The following FBXL17 variants were observed in gnomAD, a reference collection of about 807,000 sequenced individuals.
FBXL17 encodes the protein F-box/LRR-repeat protein 17.
FBXL17 carries 22 observed loss-of-function variants against 66.2 expected under a neutral mutation model. The observed-to-expected ratio is 0.33, with a 90% CI of 0.24 to 0.47. The LOEUF (loss-of-function observed/expected upper bound fraction) is 0.47, where lower values mean the gene tolerates loss of function less well. Among genes scored for constraint, FBXL17 ranks in the 20% least tolerant of loss-of-function variants. The pLI, the probability that FBXL17 is intolerant of heterozygous loss-of-function variation, is 1.00. For missense variants in FBXL17, 878 were observed against 948.2 expected (o/e 0.93, Z 0.97); for synonymous variants, 474 against 400.5 (o/e 1.18, Z -2.19).
intron 6 of FBXL17, among the ~76,000 whole-genome samples, chr5:108,095,040 T>G (rs1228236522): frequency 2.6e-5 from 4 of 152,058 alleles, no homozygotes; most frequent in Non-Finnish European, 5.9e-5. Context: ...AGTGATATAT[T>G]TAGCTCTTCT....
chr5:108,016,766 T>C (rs1343712195), intron 7 of FBXL17, among the ~76,000 whole-genome samples: 1 of 148,730 alleles, frequency 6.7e-6, no homozygotes, highest in Non-Finnish European at 1.5e-5. Context: ...AATTATCTTT[T>C]TTTCTTTCTT....
intron 6 of FBXL17, among the ~76,000 whole-genome samples, chr5:108,061,389 C>A (rs1203073688): frequency 6.6e-6 from 1 of 152,062 alleles, no homozygotes; most frequent in Non-Finnish European, 1.5e-5. Context: ...ATGATTTATG[C>A]CTTTGGCAAA....
intron 6 of FBXL17, among the ~76,000 whole-genome samples, chr5:108,161,195 T>TACATACCC (rs1752203387): frequency 7.0e-6 from 1 of 143,298 alleles, no homozygotes; most frequent in African/African-American, 2.5e-5. Context: ...CATACATACA[T>TACATACCC]ACCCCAGCCC....
chr5:107,880,473 C>T, intron 8 of FBXL17: 1 of 993,952 alleles, frequency 1.0e-6, no homozygotes. Flanking sequence ...AGGCCTTCCA[C>T]CAGGACCTCT....
At chr5:108,347,412 C>A (rs1023499542) in intron 4 of FBXL17, among the ~76,000 whole-genome samples, 1 of 152,110 alleles carries the variant, frequency 6.6e-6, no homozygotes, top group Admixed American at 6.5e-5. Context: ...TTAAGAACTC[C>A]TACTGGTGCA....
At chr5:107,868,785 G>C (rs140450043) in intron 8 of FBXL17, among the ~76,000 whole-genome samples, 1 of 152,218 alleles carries the variant, frequency 6.6e-6, no homozygotes, top group African/African-American at 2.4e-5. Context: ...CAAATGAAGT[G>C]ATATTTCAGT....
At chr5:108,257,824 A>G (rs1247862261) in intron 4 of FBXL17, among the ~76,000 whole-genome samples, 1 of 152,126 alleles carries the variant, frequency 6.6e-6, no homozygotes, top group African/African-American at 2.4e-5. Context: ...AATTTTTTTG[A>G]AAGAAAGACC....
At chr5:108,228,108 A>T (rs1043973448) in intron 4 of FBXL17, among the ~76,000 whole-genome samples, 1 of 152,180 alleles carries the variant, frequency 6.6e-6, no homozygotes, top group African/African-American at 2.4e-5. Flanking sequence ...TTTCTCTTTC[A>T]GCTCAAGCAA....
chr5:108,328,128 C>T (rs570744287), intron 4 of FBXL17, among the ~76,000 whole-genome samples: 62 of 152,228 alleles, frequency 4.1e-4, no homozygotes, highest in Non-Finnish European at 7.8e-4. Context: ...CACTGTGTGT[C>T]CCTTTGTCTG....
At chr5:108,292,352 C>T (rs1045799744) in intron 4 of FBXL17, among the ~76,000 whole-genome samples, 31 of 151,964 alleles carry the variant, frequency 2.0e-4, no homozygotes, top group Middle Eastern at 3.2e-3. Flanking sequence ...AACTCCTGAC[C>T]TCAGGTGATT....
Position 108,062,806 on chromosome 5 carries a change from G to A in FBXL17, c.1746-41805C>T, listed in dbSNP as rs180894521. On this transcript the variant is annotated intron_variant, in intron 6 of 8. Transcript: ENST00000542267. Reference sequence around the variant, plus strand: ...TCAGAAGAAGTAACTGCACAAAGAAGTAACTGCAAAAACATAAACAAGATA... The same window carrying A: ...TCAGAAGAAGTAACTGCACAAAGAAATAACTGCAAAAACATAAACAAGATA... 1.3e-3 allele frequency among the ~76,000 whole-genome samples: 202 copies of A among 152,150 alleles called. 3 individuals carry two copies. Among genetic ancestry groups the A allele is most frequent in the Non-Finnish European group, 1.3e-3 (89 of 67,976 alleles).
At chr5:108,327,415 A>G (rs1355197325) in intron 4 of FBXL17, among the ~76,000 whole-genome samples, 1 of 152,188 alleles carries the variant, frequency 6.6e-6, no homozygotes, top group Non-Finnish European at 1.5e-5. Context: ...CAATAAGAAA[A>G]TTACAGATTA....
intron 5 of FBXL17, among the ~76,000 whole-genome samples, chr5:108,216,239 T>A (rs188029513): frequency 5.5e-4 from 84 of 152,246 alleles, no homozygotes; most frequent in African/African-American, 2.0e-3. Flanking sequence ...GCTGCTGAGA[T>A]TTTTACAGAG....
chr5:108,207,677 T>A (rs2122156), intron 5 of FBXL17, among the ~76,000 whole-genome samples: 113,519 of 152,050 alleles, frequency 0.75, 42,751 homozygotes, highest in East Asian at 0.93. Context: ...GCTGCATAGT[T>A]CTCCATGGTG....
intron 6 of FBXL17, among the ~76,000 whole-genome samples, chr5:108,160,429 A>G (rs1752165213): frequency 6.6e-6 from 1 of 152,224 alleles, no homozygotes; most frequent in African/African-American, 2.4e-5. Flanking sequence ...AATTAGACAA[A>G]CCACTACTTT....
chr5:108,364,622 A>G, intron 3 of FBXL17, 116 bp downstream of exon 3: 1 of 780,912 alleles, frequency 1.3e-6, no homozygotes, highest in Non-Finnish European at 2.1e-6. Context: ...TAGGTAAAAA[A>G]GATGATTCAC....
intron 7 of FBXL17, among the ~76,000 whole-genome samples, chr5:107,957,034 A>T (rs1466031010): frequency 2.0e-5 from 3 of 152,198 alleles, no homozygotes; most frequent in Admixed American, 6.5e-5. Context: ...TGCCACCTTC[A>T]GTACTGTGAG....
chr5:108,038,467 G>C (rs1234402938), intron 6 of FBXL17, among the ~76,000 whole-genome samples: 2 of 151,828 alleles, frequency 1.3e-5, no homozygotes, highest in Non-Finnish European at 2.9e-5. Flanking sequence ...TTCGGTGATG[G>C]GTACACAAAG....
At chr5:108,127,439 C>A (rs1426605978) in intron 6 of FBXL17, among the ~76,000 whole-genome samples, 1 of 152,152 alleles carries the variant, frequency 6.6e-6, no homozygotes, top group Non-Finnish European at 1.5e-5. Context: ...ACCATTAGTG[C>A]TCTTCTCTTA....
Sources: allele counts gnomAD v4.1 joint callset (sites outside exome capture counted in the v4.1 genomes callset), GRCh38; gene constraint gnomAD v4.1.1; transcripts MANE v1.5; gene names NCBI Gene and HGNC (gene_info 2026-07-23, HGNC 2026-07-21).